The following WDR62 variants were observed in gnomAD, a reference collection of about 807,000 sequenced individuals.
WDR62 encodes the protein WD repeat-containing protein 62.
A neutral mutation model predicts 160.6 loss-of-function variants in WDR62; 112 were observed. The ratio of observed to expected loss-of-function variants is 0.70; its 90% CI spans 0.60 to 0.82. The LOEUF (loss-of-function observed/expected upper bound fraction) is 0.82, where lower values mean the gene tolerates loss of function less well. WDR62 is among the 40% of genes least tolerant of loss of function. WDR62 has a pLI of 0.00. For synonymous variants in WDR62, 792 were observed against 815.1 expected (o/e 0.97, Z 0.48); for missense variants, 1,819 against 1,983.8 (o/e 0.92, Z 1.58).
chr19:36,063,548 G>GAAGTGTTGGTTT (rs1970780792), intron 3 of WDR62, among the ~76,000 whole-genome samples: 1 of 152,242 alleles, frequency 6.6e-6, no homozygotes, highest in African/African-American at 2.4e-5. Context: ...ACTGCACCCG[G>GAAGTGTTGGTTT]CCAATCTTGA....
downstream of WDR62, among the ~76,000 whole-genome samples, chr19:36,109,125 AACTG>A (rs1292105010): frequency 6.6e-6 from 1 of 152,132 alleles, no homozygotes; most frequent in East Asian, 1.9e-4. Flanking sequence ...GAATTGGCAC[AACTG>A]ACTCTCGGGC....
intron 9 of WDR62, among the ~76,000 whole-genome samples, chr19:36,079,079 G>C (rs773466842): frequency 6.6e-6 from 1 of 151,844 alleles, no homozygotes; most frequent in Non-Finnish European, 1.5e-5. Context: ...TGGGGGTGGG[G>C]TGGCATGTTT....
intron 12 of WDR62, among the ~76,000 whole-genome samples, chr19:36,084,956 C>G (rs572930431): frequency 2.0e-5 from 3 of 152,146 alleles, no homozygotes; most frequent in African/African-American, 4.8e-5. Flanking sequence ...CTTGACTTGC[C>G]CGCTGCTGGT....
At position 36,055,259 on chromosome 19, in the gene WDR62, T is replaced by A; in HGVS notation, c.177+111T>A. The A allele has an allele frequency of 4.0e-6, 5 of 1,246,398 alleles. No homozygotes were observed. In the South Asian group the frequency reaches 5.2e-5, roughly 13 times the overall value. 77.2% of individuals were successfully genotyped at this position (1,246,398 alleles called of 1,614,324 possible). A position where few individuals can be genotyped will look rare whatever the true frequency, so the allele number is the denominator to read the frequency against. On this transcript the variant is annotated intron_variant, in intron 1 of 31. Coordinates refer to ENST00000401500, the MANE Select transcript of WDR62 (RefSeq NM_001083961.2). The stretch of plus-strand genomic sequence containing the variant: ...CAGCCCCCGGCCAGTCCCCTCAGGT[T>A]GTTCCCTGCCATGCCTCGTCCCCTA...
In WDR62 at chr19:36,090,539, CT is replaced by C. The variant is rs1568355743; in HGVS notation, c.2034+20del. ...GCTGAAGGTGAGGAGTTGGAGACCC[CT>C]GTCTGTCTGCTGCCCTGATGGGCCA... On this transcript the variant is annotated intron_variant, in intron 16 of 31. Coordinates refer to ENST00000401500, the MANE Select transcript of WDR62 (RefSeq NM_001083961.2). The C allele has an allele frequency of 1.9e-6, 3 of 1,613,024 alleles. No individual in the cohort carries two copies. The highest frequency in any genetic ancestry group is 2.2e-5 in the East Asian group (1 of 44,856).
intron 3 of WDR62, among the ~76,000 whole-genome samples, chr19:36,065,149 C>T (rs1970867414): frequency 6.6e-6 from 1 of 152,098 alleles, no homozygotes; most frequent in Non-Finnish European, 1.5e-5. Flanking sequence ...GAAAGAGAGG[C>T]GAGTGGATAT....
At position 36,103,427 on chromosome 19, in the gene WDR62, C is replaced by T; in HGVS notation, c.3599C>T (p.Ala1200Val). Residue 1200 changes from alanine to valine, a missense_variant, in exon 30 of 32, where the codon GCA becomes GTA. By Grantham distance (64) the Ala-to-Val change is moderately conservative. Coordinates refer to ENST00000401500, the MANE Select transcript of WDR62 (RefSeq NM_001083961.2). ...AGGAATCTCCCAACGCCCACATCTG[C>T]ACCCACCCCAGGCCTGGCTCAGGGT... ...TDRNLPTPTS[A>V]PTPGLAQGVH... 2.5e-6 allele frequency: 4 copies of T among 1,614,178 alleles called. No homozygotes were observed. Among genetic ancestry groups the T allele is most frequent in the Non-Finnish European group, 3.4e-6 (4 of 1,180,030 alleles).
At chr19:36,108,048 C>T (rs1973744503), downstream of WDR62, among the ~76,000 whole-genome samples, 1 of 151,972 alleles carries the variant, frequency 6.6e-6, no homozygotes, top group South Asian at 2.1e-4. Flanking sequence ...CTGTTACCAC[C>T]CCCAGGCCAC....
chr19:36,101,285 C>T lies in WDR62; in HGVS notation c.2939C>T (p.Ser980Phe). 1 of 1,612,466 alleles carries T rather than the reference C, an allele frequency of 6.2e-7. No individual in the cohort carries two copies. The highest frequency in any genetic ancestry group is 8.5e-7 in the Non-Finnish European group (1 of 1,179,668). ...QQGDSYLRVS[S>F]DSPKDQSPPE... ...GGCGACTCCTACCTCAGGGTGTCCTCCGACAGCCCAAAGGACCAGAGCCCG... is the reference window on the plus strand; with the variant it reads ...GGCGACTCCTACCTCAGGGTGTCCTTCGACAGCCCAAAGGACCAGAGCCCG... The change falls in exon 24 of 32, where the codon TCC becomes TTC. Residue 980 changes from serine (S) to phenylalanine (F), a missense_variant. Transcript: ENST00000401500.
At chr19:36,061,768 G>C (rs1970658741) in intron 3 of WDR62, 1 of 152,156 alleles carries the variant, frequency 6.6e-6, no homozygotes, top group African/African-American at 2.4e-5. Flanking sequence ...TGGTCCCTGT[G>C]CCTCACCGCC....
At position 36,104,455 on chromosome 19, in the gene WDR62, G is replaced by C. The variant is rs749629057; in HGVS notation, c.4154-63G>C. ...AGTACAGCATGGAGTCCACCCAGTC[G>C]CTCTGGCCGCTCACACCAATGGAAT... On this transcript the variant is annotated intron_variant, in intron 30 of 31. Transcript: ENST00000401500. 1.8e-4 allele frequency: 293 copies of C among 1,595,980 alleles called. 1 individual carries two copies. The highest frequency in any genetic ancestry group is 2.3e-4 in the Non-Finnish European group (268 of 1,169,590).
chr19:36,096,340 G>T (rs1972951989), intron 20 of WDR62, among the ~76,000 whole-genome samples: 1 of 152,140 alleles, frequency 6.6e-6, no homozygotes, highest in Non-Finnish European at 1.5e-5. Flanking sequence ...CTGGCCTGAA[G>T]TATCCTCCCA....
intron 1 of WDR62, among the ~76,000 whole-genome samples, chr19:36,055,760 A>G (rs2145491158): frequency 6.6e-6 from 1 of 152,356 alleles, no homozygotes; most frequent in East Asian, 1.9e-4. Context: ...AGAAAAATGG[A>G]AAGAAATGAT....
intron 16 of WDR62, 37 bp downstream of exon 16, chr19:36,090,557 G>C (rs1972533308): frequency 6.3e-7 from 1 of 1,593,634 alleles, no homozygotes; most frequent in African/African-American, 1.3e-5. Context: ...CTGCTGCCCT[G>C]ATGGGCCACC....
At chr19:36,073,317 T>C in intron 8 of WDR62, 25 bp from the exon 9 acceptor site, 1 of 1,613,210 alleles carries the variant, frequency 6.2e-7, no homozygotes, top group Non-Finnish European at 8.5e-7. Context: ...TTGATGGTGA[T>C]TGATTACCCA....
At chr19:36,088,772 G>T (rs1972408602) in intron 13 of WDR62, among the ~76,000 whole-genome samples, 1 of 152,216 alleles carries the variant, frequency 6.6e-6, no homozygotes, top group Non-Finnish European at 1.5e-5. Flanking sequence ...ACTGGAGAGG[G>T]TGTCCCTTCT....
At chr19:36,097,469 T>G (rs1364095901) in intron 21 of WDR62, among the ~76,000 whole-genome samples, 1 of 152,188 alleles carries the variant, frequency 6.6e-6, no homozygotes, top group East Asian at 1.9e-4. Flanking sequence ...TCCCAGCTAC[T>G]CAGGAGGCTG....
chr19:36,101,168 T>C (rs1432392414), intron 23 of WDR62, 46 bp from the exon 24 acceptor site: 15 of 1,534,558 alleles, frequency 9.8e-6, no homozygotes, highest in Admixed American at 1.9e-5. Context: ...CTGTTGAGTC[T>C]CCAGCTGAAG....
intron 23 of WDR62, 40 bp from the exon 24 acceptor site, chr19:36,101,174 T>C (rs748670881): frequency 1.5e-5 from 23 of 1,566,390 alleles, no homozygotes; most frequent in Admixed American, 3.7e-5. Context: ...AGTCTCCAGC[T>C]GAAGTCCTTG....
Sources: gnomAD v4.1 joint callset for allele counts (sites outside exome capture counted in the v4.1 genomes callset) on GRCh38, gnomAD v4.1.1 for gene constraint, MANE v1.5 for transcripts, NCBI Gene and HGNC (gene_info 2026-07-23, HGNC 2026-07-21) for gene names.